The following MIPOL1 variants were observed in gnomAD, a reference collection of about 807,000 sequenced individuals.
MIPOL1 encodes the protein mirror-image polydactyly gene 1 protein.
In MIPOL1, 57 loss-of-function variants were observed where a neutral mutation model predicts 60.9. The ratio of observed to expected loss-of-function variants is 0.94; its 90% CI spans 0.76 to 1.17. The LOEUF (loss-of-function observed/expected upper bound fraction) is 1.17. MIPOL1 is among the 50% of genes most tolerant of loss of function. The probability of loss-of-function intolerance (pLI) is 0.00; values close to 1 mark genes in which losing one functional copy is unlikely to be tolerated. For synonymous variants in MIPOL1, 179 were observed against 168.8 expected (o/e 1.06, Z -0.47); for missense variants, 551 against 511.6 (o/e 1.08, Z -0.74).
chr14:37,285,429 T>C lies in MIPOL1; in HGVS notation c.605T>C (p.Met202Thr), dbSNP rs1235813844. 4 of 1,613,996 alleles carry C rather than the reference T, an allele frequency of 2.5e-6. No homozygotes were observed. In the South Asian group the frequency reaches 3.3e-5, roughly 13 times the overall value. Residue 202 changes from methionine to threonine, a missense_variant, in exon 7 of 13, where the codon ATG becomes ACG. Coordinates refer to ENST00000684589, the MANE Select transcript of MIPOL1 (RefSeq NM_001388067.1). ...RDEAIARAKH[M>T]EMSLKVLENI... ...GAAGCAATTGCACGAGCCAAGCATATGGAAATGTCTCTAAAAGTGTATGTA... is the reference window on the plus strand; with the variant it reads ...GAAGCAATTGCACGAGCCAAGCATACGGAAATGTCTCTAAAAGTGTATGTA...
chr14:37,384,868 A>G (rs969711514), intron 10 of MIPOL1, among the ~76,000 whole-genome samples: 4 of 151,968 alleles, frequency 2.6e-5, no homozygotes, highest in Non-Finnish European at 5.9e-5. Flanking sequence ...AATTGATTCC[A>G]TATATGAATT....
chr14:37,493,759 AC>A (rs1247965606), intron 11 of MIPOL1, among the ~76,000 whole-genome samples: 5 of 152,186 alleles, frequency 3.3e-5, no homozygotes, highest in Admixed American at 6.6e-5. Context: ...TTCCTGGTTA[AC>A]AGAAATAGTT....
intron 1 of MIPOL1, among the ~76,000 whole-genome samples, chr14:37,239,212 A>AT (rs1468871555): frequency 1.9e-4 from 29 of 151,660 alleles, no homozygotes; most frequent in African/African-American, 7.0e-4. Flanking sequence ...TGCCCAGCTA[A>AT]TTTTTTGTAT....
chr14:37,543,729 C>T (rs2095538070), intron 12 of MIPOL1, among the ~76,000 whole-genome samples: 1 of 152,222 alleles, frequency 6.6e-6, no homozygotes, highest in South Asian at 2.1e-4. Flanking sequence ...TTCTGACCTA[C>T]AGGTCAACCT....
chr14:37,511,645 C>T (rs2095328650), intron 12 of MIPOL1, among the ~76,000 whole-genome samples: 1 of 152,162 alleles, frequency 6.6e-6, no homozygotes, highest in South Asian at 2.1e-4. Context: ...TGGCCTGGAA[C>T]AAGTTCCAAA....
intron 1 of MIPOL1, among the ~76,000 whole-genome samples, chr14:37,207,649 G>A (rs1289759081): frequency 6.6e-6 from 1 of 151,998 alleles, no homozygotes; most frequent in Non-Finnish European, 1.5e-5. Context: ...AGGTTCATGC[G>A]ATTCTTGTGC....
chr14:37,396,156 T>G (rs1217484876), intron 10 of MIPOL1, among the ~76,000 whole-genome samples: 1 of 152,140 alleles, frequency 6.6e-6, no homozygotes, highest in Non-Finnish European at 1.5e-5. Context: ...TAGAGCTCCT[T>G]TTAGCAGTTC....
At chr14:37,366,092 C>T (rs561063341) in intron 9 of MIPOL1, among the ~76,000 whole-genome samples, 3 of 151,784 alleles carry the variant, frequency 2.0e-5, no homozygotes, top group Non-Finnish European at 4.4e-5. Context: ...TGGATTTTCT[C>T]TCCTTTTTTC....
chr14:37,468,165 CGTGT>C (rs111522743), intron 11 of MIPOL1, among the ~76,000 whole-genome samples: 24 of 148,618 alleles, frequency 1.6e-4, no homozygotes, highest in South Asian at 2.1e-4. Context: ...TTTACATATA[CGTGT>C]GTGTGTGTGT....
intron 3 of MIPOL1, among the ~76,000 whole-genome samples, chr14:37,259,431 G>A (rs1194023283): frequency 6.6e-6 from 1 of 151,958 alleles, no homozygotes; most frequent in Non-Finnish European, 1.5e-5. Context: ...GCCAGGTGTG[G>A]TGGTACATGC....
chr14:37,219,700 T>A (rs1156509991), intron 1 of MIPOL1: 1 of 152,192 alleles, frequency 6.6e-6, no homozygotes. Context: ...AGGTATTAAG[T>A]CTTCTGTATC....
chr14:37,260,668 A>G (rs544451906), intron 3 of MIPOL1, among the ~76,000 whole-genome samples: 3 of 152,158 alleles, frequency 2.0e-5, no homozygotes, highest in Non-Finnish European at 4.4e-5. Flanking sequence ...AGAGGTTATT[A>G]ATTATGTAGA....
chr14:37,352,074 T>G (rs2091442130), intron 9 of MIPOL1, among the ~76,000 whole-genome samples: 1 of 50,440 alleles, frequency 2.0e-5, no homozygotes. Context: ...CTTGAATTGA[T>G]TTTTGTATAA....
At chr14:37,471,234 C>A (rs2094684932) in intron 11 of MIPOL1, among the ~76,000 whole-genome samples, 1 of 152,106 alleles carries the variant, frequency 6.6e-6, no homozygotes, top group African/African-American at 2.4e-5. Flanking sequence ...GAGATGATCC[C>A]AAACCAGGTC....
At chr14:37,319,082 C>G (rs1221638172) in intron 9 of MIPOL1, among the ~76,000 whole-genome samples, 1 of 152,104 alleles carries the variant, frequency 6.6e-6, no homozygotes, top group Non-Finnish European at 1.5e-5. Flanking sequence ...CTCAAGCGAT[C>G]TACCTGCTTC....
At chr14:37,473,457 G>A (rs755353915) in intron 11 of MIPOL1, among the ~76,000 whole-genome samples, 5 of 151,982 alleles carry the variant, frequency 3.3e-5, no homozygotes, top group East Asian at 1.9e-4. Context: ...GGCCATGTTT[G>A]ACTGTTCCTT....
intron 9 of MIPOL1, among the ~76,000 whole-genome samples, chr14:37,322,984 A>G (rs566720398): frequency 2.8e-4 from 42 of 152,112 alleles, no homozygotes; most frequent in African/African-American, 1.0e-3. Flanking sequence ...GTTTAATTAG[A>G]TCCCATTTAT....
chr14:37,418,311 G>T (rs769305418), intron 10 of MIPOL1, among the ~76,000 whole-genome samples: 1 of 152,094 alleles, frequency 6.6e-6, no homozygotes. Context: ...TGAGTTACTA[G>T]ATTAAGCTCC....
chr14:37,449,635 C>T (rs531332495), intron 11 of MIPOL1, among the ~76,000 whole-genome samples: 1 of 152,106 alleles, frequency 6.6e-6, no homozygotes, highest in African/African-American at 2.4e-5. Context: ...CAACCGTGTG[C>T]CAAATAGAAT....
Sources: gnomAD v4.1 joint callset for allele counts (sites outside exome capture counted in the v4.1 genomes callset) on GRCh38, gnomAD v4.1.1 for gene constraint, MANE v1.5 for transcripts, NCBI Gene and HGNC (gene_info 2026-07-23, HGNC 2026-07-21) for gene names.